KIF21B: variants seen among roughly 807,000 people sequenced by gnomAD.
KIF21B encodes the protein kinesin-like protein KIF21B.
In KIF21B, 85 loss-of-function variants were observed where a neutral mutation model predicts 192.9. The observed-to-expected ratio is 0.44, with a 90% CI of 0.37 to 0.53. The LOEUF (loss-of-function observed/expected upper bound fraction) is 0.53, where lower values mean the gene tolerates loss of function less well. Ranked by LOEUF, KIF21B falls within the 20% of genes least tolerant of loss-of-function variation. The pLI, the probability that KIF21B is intolerant of heterozygous loss-of-function variation, is 0.00. For synonymous variants in KIF21B, 832 were observed against 884.6 expected (o/e 0.94, Z 1.05); for missense variants, 1,716 against 2,194.8 (o/e 0.78, Z 4.36).
intron 15 of KIF21B, among the ~76,000 whole-genome samples, chr1:200,993,362 C>A (rs762704426): frequency 2.4e-4 from 37 of 152,342 alleles, no homozygotes; most frequent in Non-Finnish European, 4.3e-4. Context: ...GGGCTCAAGT[C>A]CCTCCTCTTA....
chr1:200,983,448 G>A (rs1256762172), intron 27 of KIF21B, among the ~76,000 whole-genome samples: 1 of 152,152 alleles, frequency 6.6e-6, no homozygotes, highest in Non-Finnish European at 1.5e-5. Context: ...ACAAGCTGGG[G>A]GCACCTGCCC....
At position 200,999,447 on chromosome 1, in the gene KIF21B, T is replaced by G. The variant is rs753390486; in HGVS notation, c.1787A>C (p.Glu596Ala). The G allele has an allele frequency of 8.7e-6, 14 of 1,613,850 alleles. No individual in the cohort carries two copies. The South Asian group carries it at 1.5e-4, about 18-fold the overall frequency. ...CCCTTCCTCCTCCTCACAGCCACTC[T>G]CGTCTCGCTCTTCCTCCTCCTGGGC... is the stretch of plus-strand genomic sequence containing the variant. ...EAEEEEEERD[E>A]SGCEEEEGRE... Residue 596 changes from glutamate to alanine, a missense_variant, in exon 13 of 35, where the codon GAG becomes GCG. Transcript: ENST00000461742. This position sits in a 1 kb window ranked among gnomAD's most constrained non-coding sequence, Gnocchi z 4.7.
rs1655466336 is a variant in KIF21B at position 200,975,266 on chromosome 1, T to C, written c.4614+233A>G. Among the ~76,000 whole-genome samples, 1 of 152,160 alleles carries C rather than the reference T, an allele frequency of 6.6e-6. No individual in the cohort carries two copies. The highest frequency in any genetic ancestry group is 1.5e-5 in the Non-Finnish European group (1 of 68,024). On this transcript the variant is annotated intron_variant, in intron 33 of 34. Coordinates refer to ENST00000461742, the MANE Select transcript of KIF21B (RefSeq NM_001252102.2). This position sits in a 1 kb window ranked among gnomAD's most constrained non-coding sequence, Gnocchi z 4.3. Reference sequence around the variant, plus strand: ...AACCCAAGAGCTGAGAGCAAAGGCTTTGCTGAGAGCAGGTTGCCTAAGAGG... The same window carrying C: ...AACCCAAGAGCTGAGAGCAAAGGCTCTGCTGAGAGCAGGTTGCCTAAGAGG...
At chr1:200,993,779 A>AAAAG (rs1656867438) in intron 15 of KIF21B, among the ~76,000 whole-genome samples, 1 of 149,162 alleles carries the variant, frequency 6.7e-6, no homozygotes, top group Admixed American at 6.7e-5. Context: ...AAAAAAAAAA[A>AAAAG]AGAGAGAGAA....
At position 201,008,936 on chromosome 1, in the gene KIF21B, T is replaced by A. The variant is rs372348797; in HGVS notation, c.280A>T (p.Thr94Ser). 1 of 1,610,440 alleles carries A rather than the reference T, an allele frequency of 6.2e-7. No individual in the cohort carries two copies. Among genetic ancestry groups the A allele is most frequent in the Non-Finnish European group, 8.5e-7 (1 of 1,179,790 alleles). The change falls in exon 3 of 35, where the codon ACG (threonine) becomes TCG (serine). Residue 94 changes from threonine to serine, a missense_variant. Transcript: ENST00000461742. Reference protein sequence around the residue: ...LAYGQTGAGKTYTMGTGFDMA... With the variant: ...LAYGQTGAGKSYTMGTGFDMA... ...TCAAAGCCAGTGCCCATGGTGTACG[T>A]CTTCCCGGCCCCCGTCTGCATTGGC...
At position 200,974,899 on chromosome 1, in the gene KIF21B, C is replaced by T. The variant is rs140999969; in HGVS notation, c.4629G>A (p.Ala1543=). ...CCAGGGCGCACACCCAGTCCTTGTG[C>T]GCATTGGGGATTTGCTGTGAGAGGA... The part of the protein sequence containing the change: ...QQELIQQIPN[A]HKDWVCALAF... The change falls in exon 34 of 35, where the codon GCG becomes GCA. Residue 1543 remains alanine, a synonymous_variant. Coordinates refer to ENST00000461742, the MANE Select transcript of KIF21B (RefSeq NM_001252102.2). 3.6e-5 allele frequency: 58 copies of T among 1,613,784 alleles called. No homozygotes were observed. In the East Asian group the frequency reaches 4.7e-4, roughly 13 times the overall value.
chr1:201,002,146 C>T lies in KIF21B; in HGVS notation c.1402+15G>A, dbSNP rs558752764. The T allele has an allele frequency of 8.1e-6, 13 of 1,612,540 alleles. No individual in the cohort carries two copies. In the South Asian group the frequency reaches 1.2e-4, roughly 15 times the overall value. ...CCGTTGGTGCTCTGACCTGGCCTGG[C>T]ACAGCCCAACTCACCGGCCTTGGCT... On this transcript the variant is annotated intron_variant, in intron 9 of 34. Coordinates refer to ENST00000461742, the MANE Select transcript of KIF21B (RefSeq NM_001252102.2).
intron 8 of KIF21B, 23 bp from the exon 9 acceptor site, chr1:201,002,373 G>A (rs1657551162): frequency 1.2e-6 from 2 of 1,603,556 alleles, no homozygotes; most frequent in African/African-American, 1.3e-5. Flanking sequence ...GCAAAGGGGA[G>A]CAGTCAGGCA....
chr1:201,007,406 ACC>A, intron 3 of KIF21B, among the ~76,000 whole-genome samples: 1 of 145,412 alleles, frequency 6.9e-6, no homozygotes, highest in African/African-American at 2.7e-5. Context: ...ACACGCAGAC[ACC>A]CACACACACA....
intron 28 of KIF21B, 27 bp downstream of exon 28, chr1:200,983,029 C>G: frequency 6.5e-7 from 1 of 1,534,608 alleles, no homozygotes; most frequent in Non-Finnish European, 8.7e-7. Context: ...AGTGGGGAAC[C>G]AAACACGAGA....
At chr1:201,021,759 C>T (rs1054698336) in intron 1 of KIF21B, among the ~76,000 whole-genome samples, 41 of 152,102 alleles carry the variant, frequency 2.7e-4, no homozygotes, top group Non-Finnish European at 1.9e-4. Flanking sequence ...GGAAAGGGCA[C>T]CCCCAAGCCC....
Position 201,004,377 on chromosome 1 carries a change from G to A in KIF21B, c.979C>T (p.Leu327Phe). Reference sequence around the variant, plus strand: ...AGCGAATCCTGGAGGAGCCGAGTGAGCTTGGAGTCCCTGTAGGGAACGTGC... The same window carrying A: ...AGCGAATCCTGGAGGAGCCGAGTGAACTTGGAGTCCCTGTAGGGAACGTGC... ...VVHVPYRDSK[L>F]TRLLQDSLGG... is the part of the protein sequence containing the mutation. Residue 327 changes from leucine (L) to phenylalanine (F), a missense_variant, in exon 7 of 35, where the codon CTC (leucine) becomes TTC (phenylalanine). By Grantham distance (22) the Leu-to-Phe change is conservative. Coordinates refer to ENST00000461742, the MANE Select transcript of KIF21B (RefSeq NM_001252102.2). The A allele has an allele frequency of 6.3e-7, 1 of 1,577,680 alleles. No homozygotes were observed. Among genetic ancestry groups the A allele is most frequent in the Non-Finnish European group, 8.6e-7 (1 of 1,160,892 alleles).
Position 201,000,614 on chromosome 1 carries a change from C to T in KIF21B, c.1467-6G>A. ...CACTCTCTAGAAGCTTAGTCCTGCA[C>T]AGGAAGAACGAGTGGACGGGGCCGA... On this transcript the variant is annotated splice_polypyrimidine_tract_variant and splice_region_variant and intron_variant, in intron 10 of 34. Coordinates refer to ENST00000461742, the MANE Select transcript of KIF21B (RefSeq NM_001252102.2). The surrounding 1 kb of genome is among the most constrained non-coding windows in gnomAD (Gnocchi z 6.0). 6.2e-7 allele frequency: 1 copy of T among 1,613,424 alleles called. No homozygotes were observed. The highest frequency in any genetic ancestry group is 1.3e-5 in the African/African-American group (1 of 75,050).
Position 200,996,350 on chromosome 1 carries a change from G to A in KIF21B, c.2123C>T (p.Ala708Val), listed in dbSNP as rs1319152353. Residue 708 changes from alanine (A) to valine (V), a missense_variant, in exon 15 of 35, where the codon GCA becomes GTA. Physicochemically the swap from Ala to Val is moderately conservative, Grantham distance 64. Coordinates refer to ENST00000461742, the MANE Select transcript of KIF21B (RefSeq NM_001252102.2). ...YTEEKANKIK[A>V]DYEKRLREMN... Reference sequence around the variant, plus strand: ...CTCCCGCAGCCTCTTCTCATAGTCTGCCTTGATCTTGTTGGCCTTCTCCTC... The same window carrying A: ...CTCCCGCAGCCTCTTCTCATAGTCTACCTTGATCTTGTTGGCCTTCTCCTC... 1 of 1,614,008 alleles carries A rather than the reference G, an allele frequency of 6.2e-7. No homozygotes were observed. Among genetic ancestry groups the A allele is most frequent in the Non-Finnish European group, 8.5e-7 (1 of 1,180,042 alleles).
At chr1:201,004,494 G>A (rs1324199153) in intron 6 of KIF21B, 39 bp from the exon 7 acceptor site, 1 of 1,506,162 alleles carries the variant, frequency 6.6e-7, no homozygotes, top group Non-Finnish European at 9.1e-7. Context: ...AGTCACTCAG[G>A]GAGCGAAGGG....
intron 1 of KIF21B, among the ~76,000 whole-genome samples, chr1:201,015,233 C>G (rs1658438046): frequency 6.6e-6 from 1 of 152,344 alleles, no homozygotes; most frequent in Non-Finnish European, 1.5e-5. Context: ...CTGGGGAGAA[C>G]TGGCATGCTC....
At position 200,999,740 on chromosome 1, in the gene KIF21B, G is replaced by T. The variant is rs989570612; in HGVS notation, c.1767+143C>A. The stretch of plus-strand genomic sequence containing the variant: ...GAGATCACCATGGTAACCAGTCAGA[G>T]ATATAAGGAAGTACAAGGATCAACT... On this transcript the variant is annotated intron_variant, in intron 12 of 34. Transcript: ENST00000461742. The surrounding 1 kb of genome is among the most constrained non-coding windows in gnomAD (Gnocchi z 4.7). 1.1e-6 allele frequency: 1 copy of T among 909,486 alleles called. No individual in the cohort carries two copies. Among genetic ancestry groups the T allele is most frequent in the Non-Finnish European group, 1.8e-6 (1 of 569,900 alleles). 56.3% of individuals were successfully genotyped at this position (909,486 alleles called of 1,614,324 possible). A position where few individuals can be genotyped will look rare whatever the true frequency, so the allele number is the denominator to read the frequency against.
intron 27 of KIF21B, among the ~76,000 whole-genome samples, chr1:200,984,141 G>A (rs549994027): frequency 5.3e-5 from 8 of 152,310 alleles, no homozygotes; most frequent in Admixed American, 5.2e-4. Flanking sequence ...CTTTCCTGAG[G>A]CACAGCAGGC....
intron 26 of KIF21B, among the ~76,000 whole-genome samples, chr1:200,986,312 C>G (rs12118247): frequency 1.8e-4 from 28 of 151,380 alleles, no homozygotes; most frequent in Non-Finnish European, 1.3e-4. Context: ...GCATCTGGCT[C>G]GGCTATGCAG....
Sources: gnomAD v4.1 joint callset for allele counts (sites outside exome capture counted in the v4.1 genomes callset) on GRCh38, gnomAD v4.1.1 for gene constraint, Gnocchi (gnomAD v3.1) non-coding constraint, MANE v1.5 for transcripts, NCBI Gene and HGNC (gene_info 2026-07-23, HGNC 2026-07-21) for gene names.